NINJ2: variants seen among roughly 807,000 people sequenced by gnomAD.
NINJ2 encodes the protein ninjurin 2.
Under a neutral mutation model 11.7 loss-of-function variants are expected in NINJ2, and 12 were observed. The ratio of observed to expected loss-of-function variants is 1.02; its 90% CI spans 0.66 to 1.66. The LOEUF is 1.66. Ranked by LOEUF, NINJ2 falls within the 40% of genes most tolerant of loss-of-function variation. The probability of loss-of-function intolerance (pLI) is 0.00; values close to 1 mark genes in which losing one functional copy is unlikely to be tolerated. For synonymous variants in NINJ2, 93 were observed against 76.8 expected, an observed-to-expected ratio of 1.21 and a Z score of -1.10; for missense variants, 187 against 181.8, an observed-to-expected ratio of 1.03 and a Z score of -0.16.
intron 1 of NINJ2, among the ~76,000 whole-genome samples, chr12:583,473 G>GCGGCTGCCACCTGC (rs1368274228): frequency 2.6e-5 from 4 of 152,242 alleles, no homozygotes; most frequent in African/African-American, 2.4e-5. Flanking sequence ...CTGCCACCTG[G>GCGGCTGCCACCTGC]CACCTGCCGC....
chr12:565,218 T>G lies in NINJ2; in HGVS notation c.*17A>C. The G allele has an allele frequency of 6.2e-7, 1 of 1,606,986 alleles. No individual in the cohort carries two copies. The highest frequency in any genetic ancestry group is 1.1e-5 in the South Asian group (1 of 90,424). On this transcript the variant is annotated splice_region_variant and 3_prime_UTR_variant, in exon 3 of 4. Transcript: ENST00000305108. ...TGGGGTTCCTCCATCCTCCCTCACC[T>G]GGGTCCCAGGCTGCATTCAGAGAGG...
rs114373155 is a variant in NINJ2 at position 653,445 on chromosome 12, G to A, written c.33+9883C>T. Among the ~76,000 whole-genome samples the A allele has an allele frequency of 3.1e-3, 464 of 152,046 alleles. 6 individuals are homozygous for A. Among genetic ancestry groups the A allele is most frequent in the African/African-American group, 0.011 (448 of 41,446 alleles). On this transcript the variant is annotated intron_variant, in intron 1 of 3. Transcript: ENST00000305108. ...CATATATATGTATACATATATGTGCGTAAAATGAATGCCAGCAATGATACG... is the reference window on the plus strand; with the variant it reads ...CATATATATGTATACATATATGTGCATAAAATGAATGCCAGCAATGATACG...
chr12:653,655 C>T (rs1937829578), intron 1 of NINJ2, among the ~76,000 whole-genome samples: 1 of 150,956 alleles, frequency 6.6e-6, no homozygotes. Context: ...GGAGATAAAA[C>T]AGGAACATAT....
chr12:641,748 GGGA>G (rs1565646071), intron 1 of NINJ2, among the ~76,000 whole-genome samples: 1 of 151,656 alleles, frequency 6.6e-6, no homozygotes, highest in African/African-American at 2.4e-5. Flanking sequence ...GGGAGGCTGA[GGGA>G]GGAGAATTGC....
intron 1 of NINJ2, among the ~76,000 whole-genome samples, chr12:598,193 T>G (rs1947815638): frequency 6.6e-6 from 1 of 152,238 alleles, no homozygotes; most frequent in African/African-American, 2.4e-5. Context: ...CAGACAGCAC[T>G]TTGCCAACAC....
chr12:598,157 CGT>C (rs1368838272), intron 1 of NINJ2, among the ~76,000 whole-genome samples: 1 of 152,192 alleles, frequency 6.6e-6, no homozygotes, highest in Non-Finnish European at 1.5e-5. Context: ...TGTGTGTATG[CGT>C]GTGTGTCTGT....
At chr12:565,910 T>C in intron 2 of NINJ2, 40 bp downstream of exon 2, 1 of 1,568,736 alleles carries the variant, frequency 6.4e-7, no homozygotes, top group Non-Finnish European at 8.8e-7. Context: ...CAGCCACGGG[T>C]GCCGAGGCAG....
intron 1 of NINJ2, among the ~76,000 whole-genome samples, chr12:590,143 T>C (rs548312292): frequency 1.7e-4 from 26 of 152,312 alleles, no homozygotes; most frequent in African/African-American, 5.5e-4. Flanking sequence ...CTTGCTATAT[T>C]GCACAGGCTG....
chr12:642,431 A>G (rs1259484028), intron 1 of NINJ2, among the ~76,000 whole-genome samples: 1 of 152,150 alleles, frequency 6.6e-6, no homozygotes, highest in African/African-American at 2.4e-5. Context: ...GGGTTTCGCC[A>G]TGCTGGCCAG....
In NINJ2 at chr12:614,304, T is replaced by G. The variant is rs1592098487; in HGVS notation, c.34-48126A>C. On this transcript the variant is annotated intron_variant, in intron 1 of 3. Coordinates refer to ENST00000305108, the MANE Select transcript of NINJ2 (RefSeq NM_016533.6). The surrounding 1 kb of genome is among the most constrained non-coding windows in gnomAD (Gnocchi z 5.1). Reference sequence around the variant, plus strand: ...ATGACTTCTTGCATTCGGCTGAATATTCTAGACTGCATGAGGGAGAGGACT... The same window carrying G: ...ATGACTTCTTGCATTCGGCTGAATAGTCTAGACTGCATGAGGGAGAGGACT... Among the ~76,000 whole-genome samples, 2 of 152,216 alleles carry G rather than the reference T, an allele frequency of 1.3e-5. No homozygotes were observed. Among genetic ancestry groups the G allele is most frequent in the East Asian group, 3.9e-4 (2 of 5,194 alleles).
In NINJ2 at chr12:580,990, G is replaced by C. The variant is rs1947543535; in HGVS notation, c.34-14812C>G. On this transcript the variant is annotated intron_variant, in intron 1 of 3. Transcript: ENST00000305108. This position sits in a 1 kb window ranked among gnomAD's most constrained non-coding sequence, Gnocchi z 4.7. ...TGTGTATGTGTGTGTCCATGTCTCT[G>C]TGCATATGTCTGTGTGAATGTGTGT... Among the ~76,000 whole-genome samples, 1 of 151,386 alleles carries C rather than the reference G, an allele frequency of 6.6e-6. No homozygotes were observed. The highest frequency in any genetic ancestry group is 2.4e-5 in the African/African-American group (1 of 41,154).
intron 1 of NINJ2, among the ~76,000 whole-genome samples, chr12:648,984 A>ATCTGTCTG (rs1555167417): frequency 7.3e-4 from 24 of 32,936 alleles, no homozygotes; most frequent in Admixed American, 3.5e-3. Context: ...CCACCTATCT[A>ATCTGTCTG]TCTATCTATC....
chr12:636,128 G>A (rs1348441261), intron 1 of NINJ2, among the ~76,000 whole-genome samples: 1 of 152,132 alleles, frequency 6.6e-6, no homozygotes, highest in Non-Finnish European at 1.5e-5. Context: ...TGTAATCCTA[G>A]CACTTTGGGA....
chr12:572,151 C>T (rs1242589238), intron 1 of NINJ2, among the ~76,000 whole-genome samples: 8 of 152,226 alleles, frequency 5.3e-5, no homozygotes, highest in Non-Finnish European at 7.3e-5. Context: ...TTGGGTCCTT[C>T]CTAGCACGGA....
At chr12:617,114 G>A (rs1948101690) in intron 1 of NINJ2, among the ~76,000 whole-genome samples, 1 of 152,188 alleles carries the variant, frequency 6.6e-6, no homozygotes, top group Non-Finnish European at 1.5e-5. Context: ...GCTGAGGCAG[G>A]AGAATCGCTG....
chr12:577,492 C>G (rs1947486115), intron 1 of NINJ2, among the ~76,000 whole-genome samples: 1 of 123,586 alleles, frequency 8.1e-6, no homozygotes, highest in East Asian at 2.1e-4. Flanking sequence ...CTCCTGGATT[C>G]AAGCAATTCT....
intron 1 of NINJ2, among the ~76,000 whole-genome samples, chr12:629,740 AAC>A (rs1407406955): frequency 1.1e-4 from 17 of 150,908 alleles, no homozygotes; most frequent in Non-Finnish European, 2.1e-4. Context: ...ATGCAAAATT[AAC>A]CAGGCCTGGT....
intron 1 of NINJ2, chr12:590,644 G>A (rs1187022506): frequency 6.6e-6 from 1 of 152,266 alleles, no homozygotes; most frequent in Non-Finnish European, 1.5e-5. Flanking sequence ...GCCTGTCAAG[G>A]GCATAGTCCT....
Position 565,300 on chromosome 12 carries a change from T to C in NINJ2, c.364A>G (p.Ile122Val). 9 of 1,614,178 alleles carry C rather than the reference T, an allele frequency of 5.6e-6. No individual in the cohort carries two copies. Among genetic ancestry groups the C allele is most frequent in the Non-Finnish European group, 7.6e-6 (9 of 1,180,018 alleles). The change falls in exon 3 of 4, where the codon ATT (isoleucine) becomes GTT (valine). Residue 122 changes from isoleucine (I) to valine (V), a missense_variant. Coordinates refer to ENST00000305108, the MANE Select transcript of NINJ2 (RefSeq NM_016533.6). ...VFFTVVINVFITAFGAHKTGF... is the reference protein window; with the variant it reads ...VFFTVVINVFVTAFGAHKTGF... ...GTTTTATGTGCCCCGAAGGCTGTAA[T>C]GAAAACATTGATGACCACAGTGAAG...
Sources: allele counts gnomAD v4.1 joint callset (sites outside exome capture counted in the v4.1 genomes callset), GRCh38; gene constraint gnomAD v4.1.1; non-coding constraint Gnocchi (gnomAD v3.1); transcripts MANE v1.5; gene names NCBI Gene and HGNC (gene_info 2026-07-23, HGNC 2026-07-21).